PPIF: variants seen among roughly 807,000 people sequenced by gnomAD.
The protein encoded by PPIF is peptidylprolyl isomerase F, also known as peptidyl-prolyl cis-trans isomerase F, mitochondrial.
In PPIF, 23 loss-of-function variants were observed where a neutral mutation model predicts 20.2. The observed-to-expected ratio is 1.14, with a 90% CI of 0.82 to 1.61. The LOEUF is 1.61. Among genes scored for constraint, PPIF ranks in the 40% most tolerant of loss-of-function variants. The probability of loss-of-function intolerance (pLI) is 0.00; values close to 1 mark genes in which losing one functional copy is unlikely to be tolerated. For missense variants in PPIF, 287 were observed against 291.6 expected (o/e 0.98, Z 0.11); for synonymous variants, 113 against 123.1 (o/e 0.92, Z 0.54).
At position 79,353,912 on chromosome 10, in the gene PPIF, T is replaced by A. The variant is rs1299516037; in HGVS notation, c.*70T>A. The A allele has an allele frequency of 6.6e-7, 1 of 1,519,924 alleles. No homozygotes were observed. The highest frequency in any genetic ancestry group is 1.4e-5 in the African/African-American group (1 of 73,194). The allele number at this position is 1,519,924 out of a possible 1,614,324, so 94.2% of individuals were successfully genotyped here. On this transcript the variant is annotated 3_prime_UTR_variant, in exon 6 of 6. Transcript: ENST00000225174. ...GCACCCAGGTGGCCGCGTTGGGCTGTCAGCCAAGGTGCCTGAAACGATACG... is the reference window on the plus strand; with the variant it reads ...GCACCCAGGTGGCCGCGTTGGGCTGACAGCCAAGGTGCCTGAAACGATACG...
chr10:79,350,516 C>T (rs1054480828), intron 3 of PPIF, among the ~76,000 whole-genome samples: 6 of 152,224 alleles, frequency 3.9e-5, no homozygotes, highest in African/African-American at 9.6e-5. Context: ...TGGCCGTCAT[C>T]GTACCGTGGT....
At position 79,354,883 on chromosome 10, in the gene PPIF, T is replaced by C. The variant is rs1316056172; in HGVS notation, c.*1041T>C. On this transcript the variant is annotated 3_prime_UTR_variant, in exon 6 of 6. Transcript: ENST00000225174. ...GAGATGAGGCTCAGACAAACGACCT[T>C]AGCACCCATAGCCTATGCCATGAGC... 1 of 152,362 alleles carries C rather than the reference T, an allele frequency of 6.6e-6. No homozygotes were observed. Among genetic ancestry groups the C allele is most frequent in the Non-Finnish European group, 1.5e-5 (1 of 68,062 alleles). 9.4% of individuals were successfully genotyped at this position (152,362 alleles called of 1,614,324 possible).
At chr10:79,348,664 C>T (rs560177717) in intron 1 of PPIF, among the ~76,000 whole-genome samples, 2 of 152,288 alleles carry the variant, frequency 1.3e-5, no homozygotes, top group East Asian at 1.9e-4. Context: ...TCAGCCTTCC[C>T]TCCCCACACC....
chr10:79,349,525 C>T, intron 2 of PPIF, 140 bp from the exon 3 acceptor site: 1 of 1,453,926 alleles, frequency 6.9e-7, no homozygotes, highest in South Asian at 1.4e-5. Context: ...GCGAGTTGGG[C>T]AGAGCAGACC....
rs553861039 is a variant in PPIF at position 79,353,945 on chromosome 10, A to G, written c.*103A>G. 138 of 1,291,814 alleles carry G rather than the reference A, an allele frequency of 1.1e-4. 1 individual carries two copies. The African/African-American group carries it at 1.7e-3, about 16-fold the overall frequency. The allele number at this position is 1,291,814 out of a possible 1,614,324, so 80.0% of individuals were successfully genotyped here. ...GGTGCCTGAAACGATACGTGTGCCC[A>G]CTCCACTGTCACAGTGTGCCTGAGG... On this transcript the variant is annotated 3_prime_UTR_variant, in exon 6 of 6. Coordinates refer to ENST00000225174, the MANE Select transcript of PPIF (RefSeq NM_005729.4).
intron 4 of PPIF, 104 bp downstream of exon 4, chr10:79,351,687 G>A: frequency 9.8e-7 from 1 of 1,019,284 alleles, no homozygotes; most frequent in South Asian, 1.5e-5. Flanking sequence ...TCCAGTATCT[G>A]ATGAGTCTCC....
rs749956989 is a variant in PPIF, at chr10:79,347,762, C to T, written c.195+19C>T. On this transcript the variant is annotated intron_variant, in intron 1 of 5. Transcript: ENST00000225174. ...GCTGGAGGTGAGACCGCTCGCAGGGCCGGCCTGGGCGCGGGACACGGGCCC... is the reference window on the plus strand; with the variant it reads ...GCTGGAGGTGAGACCGCTCGCAGGGTCGGCCTGGGCGCGGGACACGGGCCC... 6 of 1,300,370 alleles carry T rather than the reference C, an allele frequency of 4.6e-6. No homozygotes were observed. Among genetic ancestry groups the T allele is most frequent in the East Asian group, 3.1e-5 (1 of 32,342 alleles). 80.6% of individuals were successfully genotyped at this position (1,300,370 alleles called of 1,614,324 possible).
chr10:79,348,970 C>T, intron 1 of PPIF, 106 bp from the exon 2 acceptor site: 3 of 1,610,468 alleles, frequency 1.9e-6, no homozygotes, highest in Non-Finnish European at 2.5e-6. Context: ...CGTGCTTCTT[C>T]CTTAGCCTCC....
chr10:79,352,643 G>A (rs761606782), intron 5 of PPIF, among the ~76,000 whole-genome samples: 4 of 152,220 alleles, frequency 2.6e-5, no homozygotes, highest in Non-Finnish European at 5.9e-5. Flanking sequence ...TTCTGAGTGT[G>A]TTCTGCTCAC....
intron 3 of PPIF, among the ~76,000 whole-genome samples, chr10:79,350,229 G>A (rs765893607): frequency 7.2e-5 from 11 of 152,166 alleles, no homozygotes; most frequent in Non-Finnish European, 1.3e-4. Context: ...CATTATTCTC[G>A]GTGAAATGAA....
At chr10:79,348,417 A>G (rs1855930917) in intron 1 of PPIF, among the ~76,000 whole-genome samples, 1 of 152,188 alleles carries the variant, frequency 6.6e-6, no homozygotes, top group Non-Finnish European at 1.5e-5. Flanking sequence ...TTCTAAAGCA[A>G]AGTAAGAAAC....
chr10:79,353,404 T>TA (rs1372157371), intron 5 of PPIF, among the ~76,000 whole-genome samples: 3 of 152,252 alleles, frequency 2.0e-5, no homozygotes, highest in African/African-American at 4.8e-5. Context: ...AGTATCCTGT[T>TA]ACCTCCCCAT....
chr10:79,354,160 A>AT lies in PPIF; in HGVS notation c.*319dup, dbSNP rs1470483685. ...GACATGGTGATGGTGATGGGTTGCC[A>AT]TCCAAGTGAAAGTCTTTTCCTTGAC... is the stretch of plus-strand genomic sequence containing the variant. On this transcript the variant is annotated 3_prime_UTR_variant, in exon 6 of 6. Transcript: ENST00000225174. The AT allele has an allele frequency of 2.9e-6, 1 of 343,830 alleles. No individual in the cohort carries two copies. Among genetic ancestry groups the AT allele is most frequent in the Non-Finnish European group, 5.4e-6 (1 of 184,588 alleles). 21.3% of individuals were successfully genotyped at this position (343,830 alleles called of 1,614,324 possible). A position where few individuals can be genotyped will look rare whatever the true frequency, so the allele number is the denominator to read the frequency against.
Position 79,354,190 on chromosome 10 carries a change from G to A in PPIF, c.*348G>A. 1 of 295,880 alleles carries A rather than the reference G, an allele frequency of 3.4e-6. No homozygotes were observed. The highest frequency in any genetic ancestry group is 6.5e-6 in the Non-Finnish European group (1 of 154,664). The allele number at this position is 295,880 out of a possible 1,614,324, so 18.3% of individuals were successfully genotyped here. A position where few individuals can be genotyped will look rare whatever the true frequency, so the allele number is the denominator to read the frequency against. ...AGTGAAAGTCTTTTCCTTGACCAAG[G>A]GGGACAGTCAGTTTTGCAAAAGGAC... On this transcript the variant is annotated 3_prime_UTR_variant, in exon 6 of 6. Coordinates refer to ENST00000225174, the MANE Select transcript of PPIF (RefSeq NM_005729.4).
intron 1 of PPIF, among the ~76,000 whole-genome samples, chr10:79,348,206 G>T (rs534518643): frequency 5.6e-4 from 85 of 152,288 alleles, no homozygotes; most frequent in African/African-American, 1.9e-3. Flanking sequence ...CACACTGGGG[G>T]TGCTGGGAAA....
chr10:79,353,226 G>A (rs191432494), intron 5 of PPIF, among the ~76,000 whole-genome samples: 4 of 150,946 alleles, frequency 2.6e-5, no homozygotes, highest in South Asian at 2.1e-4. Flanking sequence ...CGCCAGCTTC[G>A]CTGGAGCTGG....
intron 5 of PPIF, 37 bp from the exon 6 acceptor site, chr10:79,353,670 C>T: frequency 6.2e-7 from 1 of 1,614,178 alleles, no homozygotes; most frequent in African/African-American, 1.3e-5. Flanking sequence ...TGACATTGCG[C>T]TACACTGTTG....
chr10:79,349,563 C>G, intron 2 of PPIF, 102 bp from the exon 3 acceptor site: 1 of 1,546,706 alleles, frequency 6.5e-7, no homozygotes, highest in Non-Finnish European at 8.7e-7. Context: ...TCTTTATCCC[C>G]CTGTTCACTG....
At position 79,347,590 on chromosome 10, in the gene PPIF, C is replaced by T. The variant is rs1308755433; in HGVS notation, c.42C>T (p.Leu14=). The T allele has an allele frequency of 2.8e-6, 4 of 1,413,564 alleles. No homozygotes were observed. In the South Asian group the frequency reaches 5.9e-5, roughly 21 times the overall value. The allele number at this position is 1,413,564 out of a possible 1,614,324, so 87.6% of individuals were successfully genotyped here. A position where few individuals can be genotyped will look rare whatever the true frequency, so the allele number is the denominator to read the frequency against. The part of the protein sequence containing the change: ...LRCGSRWLGL[L]SVPRSVPLRL... ...GCGGCTCCCGCTGGCTCGGCCTGCT[C>T]TCCGTCCCGCGCTCCGTGCCGCTGC... The change falls in exon 1 of 6, where the codon CTC becomes CTT. Residue 14 remains leucine, a synonymous_variant. Transcript: ENST00000225174.
Sources: gnomAD v4.1 joint callset for allele counts (sites outside exome capture counted in the v4.1 genomes callset) on GRCh38, gnomAD v4.1.1 for gene constraint, MANE v1.5 for transcripts, NCBI Gene and HGNC (gene_info 2026-07-23, HGNC 2026-07-21) for gene names.